The following DAOA variants were observed in gnomAD, a reference collection of about 807,000 sequenced individuals.
DAOA encodes the protein D-amino acid oxidase regulator.
A neutral mutation model predicts 16.4 loss-of-function variants in DAOA; 15 were observed. The ratio of observed to expected loss-of-function variants is 0.91; its 90% CI spans 0.61 to 1.41. The LOEUF (loss-of-function observed/expected upper bound fraction) is 1.41, where lower values mean the gene tolerates loss of function less well. Among genes scored for constraint, DAOA ranks in the 40% most tolerant of loss-of-function variants. The pLI, the probability that DAOA is intolerant of heterozygous loss-of-function variation, is 0.00. For synonymous variants in DAOA, 75 were observed against 59.1 expected (o/e 1.27, Z -1.23); for missense variants, 230 against 176.8 (o/e 1.30, Z -1.71).
At chr13:105,476,420 G>T (rs1162304181) in intron 4 of DAOA, among the ~76,000 whole-genome samples, 2 of 150,296 alleles carry the variant, frequency 1.3e-5, no homozygotes, top group Non-Finnish European at 3.0e-5. Flanking sequence ...TCACCCAGAG[G>T]TATTTTTATA....
rs1294962994 is a variant in DAOA at position 105,466,264 on chromosome 13, G to A, written c.-25G>A. Reference sequence around the variant, plus strand: ...GGTCTCATCTCTGCTTCACAATGCCGATGATTTAGCTGGGAGGACCCAAAA... The same window carrying A: ...GGTCTCATCTCTGCTTCACAATGCCAATGATTTAGCTGGGAGGACCCAAAA... On this transcript the variant is annotated 5_prime_UTR_variant, in exon 2 of 6. Coordinates refer to ENST00000375936, the MANE Select transcript of DAOA (RefSeq NM_172370.5). 3.7e-6 allele frequency: 6 copies of A among 1,613,800 alleles called. No individual in the cohort carries two copies. Among genetic ancestry groups the A allele is most frequent in the Admixed American group, 1.7e-5 (1 of 59,976 alleles).
At chr13:105,480,527 C>A (rs9301031) in intron 4 of DAOA, among the ~76,000 whole-genome samples, 1 of 146,640 alleles carries the variant, frequency 6.8e-6, no homozygotes, top group African/African-American at 2.6e-5. Context: ...TGGATAGATA[C>A]ATAGATAGAT....
chr13:105,473,067 T>G (rs910211611), intron 4 of DAOA, among the ~76,000 whole-genome samples: 3 of 152,036 alleles, frequency 2.0e-5, no homozygotes, highest in Admixed American at 2.0e-4. Context: ...TCAAGGCTAT[T>G]GAGAGGGAAA....
rs533375882 is a variant in DAOA, at chr13:105,478,035, T to C, written c.281+5350T>C. Among the ~76,000 whole-genome samples, 4 of 152,336 alleles carry C rather than the reference T, an allele frequency of 2.6e-5. No individual in the cohort carries two copies. In the East Asian group the frequency reaches 7.7e-4, roughly 29 times the overall value. ...CTGTGCAGTATTATTTAACACTCTG[T>C]AATGATAGTTAATACTATGAAATAT... On this transcript the variant is annotated intron_variant, in intron 4 of 5. Transcript: ENST00000375936.
chr13:105,486,164 G>A (rs1878091889), intron 4 of DAOA, among the ~76,000 whole-genome samples: 1 of 152,088 alleles, frequency 6.6e-6, no homozygotes, highest in Non-Finnish European at 1.5e-5. Context: ...TTATTTTAAG[G>A]ATGCTGTCCA....
At chr13:105,472,471 C>A in intron 3 of DAOA, 67 bp from the exon 4 acceptor site, 1 of 1,509,940 alleles carries the variant, frequency 6.6e-7, no homozygotes, top group Non-Finnish European at 8.9e-7. Context: ...GTCATTAAAC[C>A]AACATGTATG....
intron 4 of DAOA, among the ~76,000 whole-genome samples, chr13:105,477,361 A>G (rs967935517): frequency 3.3e-5 from 5 of 152,216 alleles, no homozygotes; most frequent in Non-Finnish European, 7.3e-5. Flanking sequence ...CTTCTGGGTT[A>G]CATACCTAAA....
rs1208856261 is a variant in DAOA, at chr13:105,479,579, G to A, written c.281+6894G>A. Among the ~76,000 whole-genome samples, 3 of 152,136 alleles carry A rather than the reference G, an allele frequency of 2.0e-5. No homozygotes were observed. The East Asian group carries it at 5.8e-4, about 29-fold the overall frequency. ...CCTTCCTTGGCTGACAGGCACATCA[G>A]TCAATCTCTACCTCTGTCTTCACAT... On this transcript the variant is annotated intron_variant, in intron 4 of 5. Transcript: ENST00000375936.
chr13:105,480,550 A>AGATAGAT (rs3042567), intron 4 of DAOA, among the ~76,000 whole-genome samples: 2,379 of 151,870 alleles, frequency 0.016, 54 homozygotes, highest in African/African-American at 0.046. Context: ...ATAGATAGAT[A>AGATAGAT]GATAGATAGA....
At position 105,472,655 on chromosome 13, in the gene DAOA, G is replaced by T. The variant is rs1462459081; in HGVS notation, c.251G>T (p.Trp84Leu). The T allele has an allele frequency of 4.3e-6, 7 of 1,613,862 alleles. No individual in the cohort carries two copies. The highest frequency in any genetic ancestry group is 5.9e-6 in the Non-Finnish European group (7 of 1,179,902). The change falls in exon 4 of 6, where the codon TGG (tryptophan) becomes TTG (leucine). Residue 84 changes from tryptophan (W) to leucine (L), a missense_variant. Transcript: ENST00000375936. ...CATTTACAGAGATCATTATGTCCTT[G>T]GGTCTCTTACCTTCCTCAGCCCTAT... ...QRHLQRSLCP[W>L]VSYLPQPYAE...
At chr13:105,476,543 G>C (rs1020572949) in intron 4 of DAOA, among the ~76,000 whole-genome samples, 1 of 147,788 alleles carries the variant, frequency 6.8e-6, no homozygotes, top group African/African-American at 2.5e-5. Context: ...ACTACAAAAA[G>C]GGAGGTCCAC....
chr13:105,476,928 G>A (rs752945342), intron 4 of DAOA, among the ~76,000 whole-genome samples: 22 of 152,010 alleles, frequency 1.4e-4, no homozygotes, highest in African/African-American at 5.1e-4. Context: ...ACCCATGAGC[G>A]TTTTCATAGC....
At chr13:105,478,346 A>G (rs1473650755) in intron 4 of DAOA, among the ~76,000 whole-genome samples, 3 of 152,248 alleles carry the variant, frequency 2.0e-5, no homozygotes, top group Non-Finnish European at 4.4e-5. Context: ...CTTAGTACGC[A>G]TTCAATAGTC....
intron 4 of DAOA, among the ~76,000 whole-genome samples, chr13:105,481,330 G>A (rs1360605292): frequency 6.6e-6 from 1 of 152,064 alleles, no homozygotes; most frequent in Admixed American, 6.6e-5. Flanking sequence ...AAGATTTGGG[G>A]TCTTAACTTG....
Position 105,467,472 on chromosome 13 carries a change from T to C in DAOA, c.133+331T>C, listed in dbSNP as rs114129830. 7.3e-3 allele frequency: 1,249 copies of C among 171,920 alleles called. 17 individuals are homozygous for C. Among genetic ancestry groups the C allele is most frequent in the African/African-American group, 0.028 (1,182 of 42,404 alleles). The allele number at this position is 171,920 out of a possible 1,614,324, so 10.6% of individuals were successfully genotyped here. ...TGAAGTGGGAATTTAAGGCAGTAGT[T>C]CTGCTTTCAAGTGAAAACCTGGATC... On this transcript the variant is annotated intron_variant, in intron 3 of 5. Coordinates refer to ENST00000375936, the MANE Select transcript of DAOA (RefSeq NM_172370.5).
upstream of DAOA, chr13:105,465,986 C>A: frequency 3.3e-6 from 1 of 298,906 alleles, no homozygotes. Flanking sequence ...GTTAATTTCC[C>A]ACGAATAACA....
At chr13:105,483,834 CT>C (rs1451887627) in intron 4 of DAOA, among the ~76,000 whole-genome samples, 1 of 151,908 alleles carries the variant, frequency 6.6e-6, no homozygotes, top group African/African-American at 2.4e-5. Context: ...AGCAGAAGCT[CT>C]TTTTCATTTC....
At chr13:105,483,042 C>A (rs201297861) in intron 4 of DAOA, among the ~76,000 whole-genome samples, 2 of 152,036 alleles carry the variant, frequency 1.3e-5, no homozygotes, top group East Asian at 3.9e-4. Flanking sequence ...TTTATCTACC[C>A]CTTTCCCTCT....
rs1878400617 is a variant in DAOA at position 105,489,951 on chromosome 13, A to G, written c.332A>G (p.Tyr111Cys). ...GGAAAAGTCTTCATGGCAAGAAACT[A>G]TGAGTTCCTTGCCTATGAGGCCTCT... ...HVGKVFMARNYEFLAYEASKD... is the reference protein window; with the variant it reads ...HVGKVFMARNCEFLAYEASKD... Residue 111 changes from tyrosine to cysteine, a missense_variant, in exon 5 of 6, where the codon TAT becomes TGT. By Grantham distance (194) the Tyr-to-Cys change is radical. Transcript: ENST00000375936. The G allele has an allele frequency of 6.2e-7, 1 of 1,613,880 alleles. No homozygotes were observed. Among genetic ancestry groups the G allele is most frequent in the Non-Finnish European group, 8.5e-7 (1 of 1,179,894 alleles).
Sources: allele counts gnomAD v4.1 joint callset (sites outside exome capture counted in the v4.1 genomes callset), GRCh38; gene constraint gnomAD v4.1.1; transcripts MANE v1.5; gene names NCBI Gene and HGNC (gene_info 2026-07-23, HGNC 2026-07-21).